The following ADARB1 variants were observed in gnomAD, a reference collection of about 807,000 sequenced individuals.
ADARB1 encodes double-stranded RNA-specific editase 1.
Under a neutral mutation model 52.4 loss-of-function variants are expected in ADARB1, and 10 were observed. That is an observed-to-expected ratio of 0.19 (90% CI 0.12 to 0.32). The LOEUF (loss-of-function observed/expected upper bound fraction) is 0.32, where lower values mean the gene tolerates loss of function less well. Ranked by LOEUF, ADARB1 falls within the 10% of genes least tolerant of loss-of-function variation. The probability of loss-of-function intolerance (pLI) is 1.00; values close to 1 mark genes in which losing one functional copy is unlikely to be tolerated. For synonymous variants in ADARB1, 349 were observed against 371.1 expected, an observed-to-expected ratio of 0.94 and a Z score of 0.68; for missense variants, 643 against 922.3, an observed-to-expected ratio of 0.70 and a Z score of 3.92.
intron 2 of ADARB1, among the ~76,000 whole-genome samples, chr21:45,132,883 C>T (rs931409981): frequency 6.6e-6 from 1 of 152,098 alleles, no homozygotes; most frequent in African/African-American, 2.4e-5. Context: ...TAGAGATAGA[C>T]GAAGAAGAAA....
chr21:45,188,404 G>GCCAT (rs2092178065), intron 8 of ADARB1, among the ~76,000 whole-genome samples: 2 of 152,178 alleles, frequency 1.3e-5, no homozygotes, highest in South Asian at 4.1e-4. Context: ...ACTGCCCCCA[G>GCCAT]CCATGGGCTT....
intron 8 of ADARB1, among the ~76,000 whole-genome samples, chr21:45,203,431 G>T (rs1008416123): frequency 2.6e-5 from 4 of 151,986 alleles, no homozygotes; most frequent in Non-Finnish European, 5.9e-5. Context: ...TCTTTTTATT[G>T]CATTATTGTT....
intron 8 of ADARB1, among the ~76,000 whole-genome samples, chr21:45,192,810 G>A (rs1233396604): frequency 6.6e-6 from 1 of 152,130 alleles, no homozygotes; most frequent in African/African-American, 2.4e-5. Context: ...TATAAACAAG[G>A]CTATGCCAAT....
chr21:45,114,154 G>C (rs1013536569), intron 1 of ADARB1, among the ~76,000 whole-genome samples: 2 of 152,184 alleles, frequency 1.3e-5, no homozygotes, highest in Admixed American at 6.5e-5. Context: ...CTTACACCAG[G>C]GAAGGCTTGG....
At chr21:45,134,508 G>C (rs1312630040) in intron 2 of ADARB1, among the ~76,000 whole-genome samples, 1 of 152,008 alleles carries the variant, frequency 6.6e-6, no homozygotes, top group Non-Finnish European at 1.5e-5. Context: ...GGGTGTGTGT[G>C]CCTGACGTGT....
chr21:45,203,081 C>A (rs2092593931), intron 8 of ADARB1, among the ~76,000 whole-genome samples: 1 of 152,246 alleles, frequency 6.6e-6, no homozygotes, highest in Non-Finnish European at 1.5e-5. Context: ...TGCGCATGCG[C>A]CAGCCCCTCC....
Position 45,183,522 on chromosome 21 carries a change from GA to G in ADARB1, c.1396+13del. On this transcript the variant is annotated intron_variant, in intron 7 of 10. Coordinates refer to ENST00000348831, the MANE Select transcript of ADARB1 (RefSeq NM_001112.4). ...GCCAATCCTGGAAGGTATGAGACGAGATTCTTCAACAAGCCAGTTTCTCAAG... is the reference window on the plus strand; with the variant it reads ...GCCAATCCTGGAAGGTATGAGACGAGTTCTTCAACAAGCCAGTTTCTCAAG... 2 of 1,610,486 alleles carry G rather than the reference GA, an allele frequency of 1.2e-6. No homozygotes were observed. Among genetic ancestry groups the G allele is most frequent in the Non-Finnish European group, 1.7e-6 (2 of 1,179,114 alleles).
At chr21:45,093,570 G>A (rs1267948547) in intron 1 of ADARB1, among the ~76,000 whole-genome samples, 1 of 152,222 alleles carries the variant, frequency 6.6e-6, no homozygotes, top group Non-Finnish European at 1.5e-5. Context: ...ACCCTGTTTG[G>A]AGTGAAGGTT....
chr21:45,077,523 C>A (rs570779176), intron 1 of ADARB1, among the ~76,000 whole-genome samples: 117 of 152,092 alleles, frequency 7.7e-4, no homozygotes, highest in African/African-American at 2.6e-3. Flanking sequence ...AAAAATCAGC[C>A]GGGCATGGTG....
chr21:45,175,990 C>T lies in ADARB1; in HGVS notation c.289C>T (p.Leu97Phe), dbSNP rs1476929513. 1 of 1,614,052 alleles carries T rather than the reference C, an allele frequency of 6.2e-7. No homozygotes were observed. ...GATCAAGCCTGGTTTGCAGTACACA[C>T]TCCTGTCCCAGACTGGGCCCGTGCA... ...NEIKPGLQYT[L>F]LSQTGPVHAP... The change falls in exon 4 of 11, where the codon CTC becomes TTC. Residue 97 changes from leucine to phenylalanine, a missense_variant. Physicochemically the swap from Leu to Phe is conservative, Grantham distance 22. Coordinates refer to ENST00000348831, the MANE Select transcript of ADARB1 (RefSeq NM_001112.4).
At chr21:45,140,809 G>A (rs2089681743) in intron 2 of ADARB1, among the ~76,000 whole-genome samples, 1 of 152,144 alleles carries the variant, frequency 6.6e-6, no homozygotes, top group Non-Finnish European at 1.5e-5. Context: ...ATTTTATCAA[G>A]TAATTTATAA....
chr21:45,086,846 C>T (rs987601461), intron 1 of ADARB1, among the ~76,000 whole-genome samples: 2 of 152,150 alleles, frequency 1.3e-5, no homozygotes, highest in Non-Finnish European at 2.9e-5. Context: ...GTAGGAGCTT[C>T]GAAATGGAGT....
At chr21:45,147,715 G>A (rs2090076677) in intron 2 of ADARB1, among the ~76,000 whole-genome samples, 1 of 152,200 alleles carries the variant, frequency 6.6e-6, no homozygotes, top group African/African-American at 2.4e-5. Flanking sequence ...TGCCCCGCGT[G>A]TTGCTCAGCG....
chr21:45,216,365 C>T (rs1312341955), intron 9 of ADARB1, among the ~76,000 whole-genome samples: 1 of 151,808 alleles, frequency 6.6e-6, no homozygotes, highest in Non-Finnish European at 1.5e-5. Flanking sequence ...TTCAATTGCC[C>T]ATCTTTTTGT....
Position 45,224,350 on chromosome 21 carries a change from C to T in ADARB1, c.*2153C>T. 1.0e-6 allele frequency: 1 copy of T among 985,484 alleles called. No homozygotes were observed. The highest frequency in any genetic ancestry group is 1.2e-6 in the Non-Finnish European group (1 of 830,024). 61.0% of individuals were successfully genotyped at this position (985,484 alleles called of 1,614,324 possible). The stretch of plus-strand genomic sequence containing the variant: ...TAAGTGAGTGCCTCACCTTGTGGGG[C>T]CTGAGCAGCTACCTTGAGACCATGT... On this transcript the variant is annotated 3_prime_UTR_variant, in exon 11 of 11. Coordinates refer to ENST00000348831, the MANE Select transcript of ADARB1 (RefSeq NM_001112.4).
At chr21:45,214,666 T>G (rs907079765) in intron 9 of ADARB1, among the ~76,000 whole-genome samples, 3 of 152,234 alleles carry the variant, frequency 2.0e-5, no homozygotes, top group Non-Finnish European at 4.4e-5. Context: ...CCTTGTGCCC[T>G]TGTCAAAAAT....
chr21:45,099,558 G>T (rs2086911621), intron 1 of ADARB1, among the ~76,000 whole-genome samples: 1 of 152,100 alleles, frequency 6.6e-6, no homozygotes, highest in South Asian at 2.1e-4. Context: ...ATCCCAGCGA[G>T]CAGGAGGCTG....
chr21:45,151,339 C>T (rs914687752), intron 2 of ADARB1, among the ~76,000 whole-genome samples: 4 of 152,208 alleles, frequency 2.6e-5, no homozygotes, highest in Non-Finnish European at 5.9e-5. Flanking sequence ...CTTAATATGG[C>T]ATAATTTCCT....
chr21:45,076,437 G>A (rs1018183751), intron 1 of ADARB1, among the ~76,000 whole-genome samples: 1 of 152,214 alleles, frequency 6.6e-6, no homozygotes, highest in African/African-American at 2.4e-5. Flanking sequence ...CCTGTTAGAT[G>A]TCTGAGGGTT....
Sources: allele counts gnomAD v4.1 joint callset (sites outside exome capture counted in the v4.1 genomes callset), GRCh38; gene constraint gnomAD v4.1.1; transcripts MANE v1.5; gene names NCBI Gene and HGNC (gene_info 2026-07-23, HGNC 2026-07-21).